The following MYO10 variants were observed in gnomAD, a reference collection of about 807,000 sequenced individuals.
MYO10 encodes unconventional myosin-X.
A neutral mutation model predicts 257.3 loss-of-function variants in MYO10; 133 were observed. The observed-to-expected ratio is 0.52, with a 90% CI of 0.45 to 0.60. The LOEUF is 0.60. MYO10 is among the 20% of genes least tolerant of loss of function. MYO10 has a pLI of 0.00. For synonymous variants in MYO10, 1,104 were observed against 1,028.6 expected (o/e 1.07, Z -1.40); for missense variants, 2,399 against 2,635.7 (o/e 0.91, Z 1.97).
intron 2 of MYO10, among the ~76,000 whole-genome samples, chr5:16,850,528 G>A (rs1466815273): frequency 6.6e-6 from 1 of 151,928 alleles, no homozygotes; most frequent in Admixed American, 6.6e-5. Flanking sequence ...CAGCTGCCTC[G>A]GCCTCCCAAA....
chr5:16,671,020 C>T (rs768081285), intron 38 of MYO10, 42 bp from the exon 39 acceptor site: 1 of 1,535,330 alleles, frequency 6.5e-7, no homozygotes, highest in Non-Finnish European at 8.8e-7. Flanking sequence ...AACGCACTGC[C>T]ATGCCATGGG....
At chr5:16,678,464 C>T (rs1736837857) in intron 33 of MYO10, among the ~76,000 whole-genome samples, 2 of 152,184 alleles carry the variant, frequency 1.3e-5, no homozygotes, top group Admixed American at 1.3e-4. Context: ...CTTGTAATCT[C>T]AGCTACTCAG....
chr5:16,824,353 T>C (rs1742937262), intron 2 of MYO10, among the ~76,000 whole-genome samples: 1 of 152,064 alleles, frequency 6.6e-6, no homozygotes, highest in Non-Finnish European at 1.5e-5. Context: ...GATTTTTGGT[T>C]GTTAGAATTT....
chr5:16,904,757 G>A (rs1312939802), intron 1 of MYO10, among the ~76,000 whole-genome samples: 5 of 152,074 alleles, frequency 3.3e-5, no homozygotes, highest in Non-Finnish European at 7.4e-5. Context: ...GTGAAACCCC[G>A]TCTCTACTAA....
At chr5:16,807,445 A>C (rs1182219400) in intron 3 of MYO10, among the ~76,000 whole-genome samples, 1 of 151,990 alleles carries the variant, frequency 6.6e-6, no homozygotes, top group African/African-American at 2.4e-5. Context: ...AACCCCTCCT[A>C]ACTGGAAGCC....
rs1170537405 is a variant in MYO10 at position 16,760,479 on chromosome 5, C to CA, written c.1739+984dup. ...CTGTCTCCAAAAAAAAAAAACAAACCAAAAAAAAACCAAAAAGGACACTTC... is the reference window on the plus strand; with the variant it reads ...CTGTCTCCAAAAAAAAAAAACAAACCAAAAAAAAAACCAAAAAGGACACTTC... On this transcript the variant is annotated intron_variant, in intron 17 of 40. Coordinates refer to ENST00000513610, the MANE Select transcript of MYO10 (RefSeq NM_012334.3). Among the ~76,000 whole-genome samples the CA allele has an allele frequency of 4.6e-4, 68 of 147,092 alleles. 1 individual carries two copies. The highest frequency in any genetic ancestry group is 3.3e-3 in the Admixed American group (48 of 14,686).
chr5:16,815,443 G>T, intron 3 of MYO10: 1 of 701,160 alleles, frequency 1.4e-6, no homozygotes, highest in Non-Finnish European at 2.6e-6. Flanking sequence ...TTTGGATTAG[G>T]TATATTCAAC....
At chr5:16,725,414 G>A (rs1739322996) in intron 19 of MYO10, among the ~76,000 whole-genome samples, 1 of 151,940 alleles carries the variant, frequency 6.6e-6, no homozygotes, top group Non-Finnish European at 1.5e-5. Flanking sequence ...ATCTTAAATT[G>A]AAAATCGAGT....
chr5:16,674,821 C>A, intron 35 of MYO10, 32 bp downstream of exon 35: 1 of 1,611,772 alleles, frequency 6.2e-7, no homozygotes, highest in Non-Finnish European at 8.5e-7. Flanking sequence ...AGCAGCTCTG[C>A]CCAGCTCATC....
chr5:16,743,748 A>T (rs1020426764), intron 19 of MYO10, among the ~76,000 whole-genome samples: 1 of 152,230 alleles, frequency 6.6e-6, no homozygotes, highest in Non-Finnish European at 1.5e-5. Context: ...TTGTTACATT[A>T]TGAACTGATA....
intron 1 of MYO10, among the ~76,000 whole-genome samples, chr5:16,896,633 G>A (rs1745226314): frequency 6.6e-6 from 1 of 152,068 alleles, no homozygotes; most frequent in Non-Finnish European, 1.5e-5. Context: ...GTCTAGAAAG[G>A]AGGCTCTCAC....
intron 28 of MYO10, among the ~76,000 whole-genome samples, 167 bp from the exon 29 acceptor site, chr5:16,685,998 GAGA>G (rs1228474606): frequency 6.6e-6 from 1 of 152,200 alleles, no homozygotes; most frequent in Non-Finnish European, 1.5e-5. Flanking sequence ...AGAATAAAGT[GAGA>G]AGAAGCAGAT....
chr5:16,793,583 A>T (rs977936329), intron 4 of MYO10, among the ~76,000 whole-genome samples: 1 of 152,120 alleles, frequency 6.6e-6, no homozygotes, highest in African/African-American at 2.4e-5. Flanking sequence ...TTGGCCTCCT[A>T]AAGTGCTGGG....
chr5:16,715,470 T>C (rs1035526639), intron 19 of MYO10, among the ~76,000 whole-genome samples: 7 of 134,416 alleles, frequency 5.2e-5, no homozygotes, highest in Admixed American at 8.8e-5. Flanking sequence ...CTGGCTAATT[T>C]TGTATTTTTA....
chr5:16,882,660 A>G (rs558797093), intron 1 of MYO10, among the ~76,000 whole-genome samples: 9 of 152,334 alleles, frequency 5.9e-5, no homozygotes, highest in South Asian at 2.1e-4. Flanking sequence ...AAAAGGCTAC[A>G]TATTGTGTGG....
At chr5:16,734,213 T>C (rs1222469911) in intron 19 of MYO10, among the ~76,000 whole-genome samples, 1 of 152,152 alleles carries the variant, frequency 6.6e-6, no homozygotes, top group Non-Finnish European at 1.5e-5. Context: ...TCACCTGTCC[T>C]TATTAACACA....
intron 2 of MYO10, among the ~76,000 whole-genome samples, chr5:16,874,415 C>G (rs1447499086): frequency 6.8e-6 from 1 of 146,098 alleles, no homozygotes; most frequent in African/African-American, 2.5e-5. Context: ...ATGCTCGCTT[C>G]CCTTATAAAA....
chr5:16,767,329 C>A (rs1006265561), intron 10 of MYO10, among the ~76,000 whole-genome samples: 3 of 151,864 alleles, frequency 2.0e-5, no homozygotes, highest in African/African-American at 7.3e-5. Context: ...CGCCACCAAG[C>A]CCGGCTAATT....
rs1370878185 is a variant in MYO10 at position 16,883,221 on chromosome 5, T to C, written c.22-5514A>G. 2.0e-5 allele frequency among the ~76,000 whole-genome samples: 3 copies of C among 152,126 alleles called. No individual in the cohort carries two copies. In the East Asian group the frequency reaches 5.8e-4, roughly 29 times the overall value. ...TGAGCCACCGCGCCCGGCCATCATT[T>C]TTAAAAAATTGTTTTCCCAGCCTAC... On this transcript the variant is annotated intron_variant, in intron 1 of 40. Coordinates refer to ENST00000513610, the MANE Select transcript of MYO10 (RefSeq NM_012334.3).
Sources: gnomAD v4.1 joint callset for allele counts (sites outside exome capture counted in the v4.1 genomes callset) on GRCh38, gnomAD v4.1.1 for gene constraint, MANE v1.5 for transcripts, NCBI Gene and HGNC (gene_info 2026-07-23, HGNC 2026-07-21) for gene names.